NXPH2: variants seen among roughly 807,000 people sequenced by gnomAD.
NXPH2 encodes the protein neurexophilin 2.
A neutral mutation model predicts 19.8 loss-of-function variants in NXPH2; 5 were observed. The ratio of observed to expected loss-of-function variants is 0.25; its 90% CI spans 0.13 to 0.53. The LOEUF is 0.53. Among genes scored for constraint, NXPH2 ranks in the 20% least tolerant of loss-of-function variants. The probability of loss-of-function intolerance (pLI) is 0.96; values close to 1 mark genes in which losing one functional copy is unlikely to be tolerated. For synonymous variants in NXPH2, 154 were observed against 127.4 expected (o/e 1.21, Z -1.41); for missense variants, 289 against 322.8 (o/e 0.90, Z 0.80).
chr2:138,766,132 T>G (rs980670408), intron 1 of NXPH2, among the ~76,000 whole-genome samples: 1 of 152,230 alleles, frequency 6.6e-6, no homozygotes, highest in Non-Finnish European at 1.5e-5. Context: ...CAGAGATGTG[T>G]GCACTGGGCA....
intron 1 of NXPH2, among the ~76,000 whole-genome samples, chr2:138,678,381 G>A (rs1680518369): frequency 6.6e-6 from 1 of 152,146 alleles, no homozygotes; most frequent in South Asian, 2.1e-4. Flanking sequence ...TAGAGCAAAT[G>A]TATCTTTTTA....
chr2:138,738,140 C>T (rs930893253), intron 1 of NXPH2, among the ~76,000 whole-genome samples: 3 of 150,072 alleles, frequency 2.0e-5, no homozygotes, highest in Admixed American at 1.3e-4. Flanking sequence ...TTGTTCAATT[C>T]CCACCTATGA....
intron 1 of NXPH2, among the ~76,000 whole-genome samples, chr2:138,676,898 T>C (rs189589577): frequency 2.6e-5 from 4 of 152,352 alleles, no homozygotes; most frequent in African/African-American, 9.6e-5. Context: ...ATGTTTCTAG[T>C]CTTACTGGCA....
chr2:138,775,012 A>C (rs887402611), intron 1 of NXPH2, among the ~76,000 whole-genome samples: 3 of 152,190 alleles, frequency 2.0e-5, no homozygotes, highest in Admixed American at 2.0e-4. Flanking sequence ...AAGTTTATAA[A>C]ATGTCTCATT....
At chr2:138,732,520 A>G (rs971851785) in intron 1 of NXPH2, among the ~76,000 whole-genome samples, 3 of 152,160 alleles carry the variant, frequency 2.0e-5, no homozygotes, top group Non-Finnish European at 4.4e-5. Flanking sequence ...CTTCCTTCCA[A>G]GTAAGGTGAG....
intron 1 of NXPH2, among the ~76,000 whole-genome samples, chr2:138,673,687 C>CTCA (rs1680445242): frequency 1.3e-5 from 2 of 150,864 alleles, no homozygotes; most frequent in Admixed American, 1.3e-4. Flanking sequence ...GTTTGATGCC[C>CTCA]AGGTGGTCTC....
intron 1 of NXPH2, among the ~76,000 whole-genome samples, chr2:138,754,009 T>C (rs1219291132): frequency 6.6e-6 from 1 of 152,164 alleles, no homozygotes. Context: ...TTTTGTTGTT[T>C]GTTTTTTGAG....
intron 1 of NXPH2, among the ~76,000 whole-genome samples, chr2:138,734,653 C>A (rs1300452834): frequency 6.6e-6 from 1 of 152,102 alleles, no homozygotes; most frequent in Non-Finnish European, 1.5e-5. Context: ...AGAGGGAGAC[C>A]ACAGTAGTGA....
chr2:138,750,978 C>A, intron 1 of NXPH2, among the ~76,000 whole-genome samples: 1 of 152,196 alleles, frequency 6.6e-6, no homozygotes, highest in Non-Finnish European at 1.5e-5. Context: ...CCTTCTCTTG[C>A]AACCCTCTAT....
chr2:138,737,599 T>G (rs1289106868), intron 1 of NXPH2, among the ~76,000 whole-genome samples: 2 of 152,176 alleles, frequency 1.3e-5, no homozygotes, highest in Admixed American at 6.5e-5. Context: ...CCCACACATT[T>G]TCACATTTAT....
intron 1 of NXPH2, among the ~76,000 whole-genome samples, chr2:138,757,010 A>T (rs1466176702): frequency 1.3e-5 from 2 of 152,168 alleles, no homozygotes; most frequent in African/African-American, 4.8e-5. Flanking sequence ...AATCTGAAGT[A>T]GTATGTCTTT....
chr2:138,733,899 C>T (rs1333068415), intron 1 of NXPH2, among the ~76,000 whole-genome samples: 5 of 152,064 alleles, frequency 3.3e-5, no homozygotes, highest in East Asian at 3.8e-4. Flanking sequence ...AAAGAAAAGA[C>T]GTAGGGGAAA....
intron 1 of NXPH2, among the ~76,000 whole-genome samples, chr2:138,675,953 A>C (rs1486059307): frequency 6.3e-5 from 2 of 31,624 alleles, no homozygotes; most frequent in South Asian, 3.6e-3. Flanking sequence ...ATATATATAC[A>C]TATGTGTGTG....
At chr2:138,742,052 C>G (rs984367735) in intron 1 of NXPH2, among the ~76,000 whole-genome samples, 1 of 151,888 alleles carries the variant, frequency 6.6e-6, no homozygotes, top group Non-Finnish European at 1.5e-5. Context: ...GTCAGCAATC[C>G]AAATGAAAGA....
chr2:138,681,500 A>G (rs1341211985), intron 1 of NXPH2, among the ~76,000 whole-genome samples: 3 of 152,256 alleles, frequency 2.0e-5, no homozygotes, highest in African/African-American at 2.4e-5. Flanking sequence ...CATAGATTGC[A>G]TAGATCACCT....
intron 1 of NXPH2, among the ~76,000 whole-genome samples, chr2:138,757,700 T>C (rs1047514756): frequency 6.6e-6 from 1 of 152,114 alleles, no homozygotes; most frequent in Non-Finnish European, 1.5e-5. Context: ...ACCATCCCCA[T>C]AATAAATCTA....
chr2:138,772,012 A>G (rs1682186116), intron 1 of NXPH2, among the ~76,000 whole-genome samples: 1 of 152,228 alleles, frequency 6.6e-6, no homozygotes. Flanking sequence ...CAAATTCTAC[A>G]CAAGTCTGGG....
chr2:138,690,728 A>AC (rs1487774685), intron 1 of NXPH2, among the ~76,000 whole-genome samples: 9 of 152,144 alleles, frequency 5.9e-5, no homozygotes, highest in African/African-American at 2.2e-4. Flanking sequence ...CTTGGGGGAC[A>AC]CCCCCATATT....
intron 1 of NXPH2, among the ~76,000 whole-genome samples, chr2:138,713,705 C>T (rs549056431): frequency 2.6e-5 from 4 of 151,874 alleles, no homozygotes; most frequent in Admixed American, 2.0e-4. Flanking sequence ...TGTGATGAGG[C>T]CATGGGACCA....
Sources: gnomAD v4.1 joint callset for allele counts (sites outside exome capture counted in the v4.1 genomes callset) on GRCh38, gnomAD v4.1.1 for gene constraint, MANE v1.5 for transcripts, NCBI Gene and HGNC (gene_info 2026-07-23, HGNC 2026-07-21) for gene names.